ZNF438: variants seen among roughly 807,000 people sequenced by gnomAD.
ZNF438 encodes zinc finger protein 438.
A neutral mutation model predicts 38.0 loss-of-function variants in ZNF438; 25 were observed. The ratio of observed to expected loss-of-function variants is 0.66; its 90% CI spans 0.48 to 0.92. The LOEUF (loss-of-function observed/expected upper bound fraction) is 0.92. Among genes scored for constraint, ZNF438 ranks in the 40% least tolerant of loss-of-function variants. The probability of loss-of-function intolerance (pLI) is 0.00; values close to 1 mark genes in which losing one functional copy is unlikely to be tolerated. For synonymous variants in ZNF438, 372 were observed against 364.1 expected, an observed-to-expected ratio of 1.02 and a Z score of -0.25; for missense variants, 1,007 against 999.6, an observed-to-expected ratio of 1.01 and a Z score of -0.10.
At chr10:30,935,955 T>C (rs999272378) in intron 2 of ZNF438, among the ~76,000 whole-genome samples, 3 of 152,170 alleles carry the variant, frequency 2.0e-5, no homozygotes, top group African/African-American at 7.2e-5. Context: ...AGATGAGATT[T>C]GGGTGGGGAC....
At chr10:30,906,150 G>T (rs1356106388) in intron 3 of ZNF438, among the ~76,000 whole-genome samples, 1 of 152,140 alleles carries the variant, frequency 6.6e-6, no homozygotes, top group East Asian at 1.9e-4. Flanking sequence ...ACAATTTGGG[G>T]TGTATTACTA....
chr10:30,849,435 C>A, exon 5 of ZNF438: 2 of 1,614,132 alleles, frequency 1.2e-6, no homozygotes, highest in Non-Finnish European at 1.7e-6. Context: ...TCACAGTCGG[C>A]CTTAGGTCCT....
intron 1 of ZNF438, among the ~76,000 whole-genome samples, chr10:30,996,308 G>T (rs1054377628): frequency 6.6e-6 from 1 of 151,982 alleles, no homozygotes; most frequent in African/African-American, 2.4e-5. Flanking sequence ...AGATTATCAG[G>T]CTGTATTTTT....
chr10:30,863,938 C>A (rs1332895336), intron 4 of ZNF438, among the ~76,000 whole-genome samples: 1 of 152,164 alleles, frequency 6.6e-6, no homozygotes, highest in Non-Finnish European at 1.5e-5. Context: ...AGTTCAAAAC[C>A]GATTCCACAG....
intron 1 of ZNF438, among the ~76,000 whole-genome samples, chr10:30,956,748 T>C (rs2048907043): frequency 6.6e-6 from 1 of 152,240 alleles, no homozygotes; most frequent in African/African-American, 2.4e-5. Flanking sequence ...TAGTATTCCA[T>C]TGTGTATATA....
chr10:30,862,686 T>C (rs2035786262), intron 4 of ZNF438, among the ~76,000 whole-genome samples: 1 of 152,232 alleles, frequency 6.6e-6, no homozygotes, highest in African/African-American at 2.4e-5. Flanking sequence ...GAAAACCTTT[T>C]CCTCAGTGGG....
intron 4 of ZNF438, among the ~76,000 whole-genome samples, chr10:30,851,381 C>T (rs2033599517): frequency 3.3e-5 from 5 of 152,234 alleles, no homozygotes; most frequent in Admixed American, 3.3e-4. Flanking sequence ...CAAGACCTGG[C>T]TGCAGAAATG....
At chr10:30,927,279 C>T (rs1589235284) in intron 2 of ZNF438, among the ~76,000 whole-genome samples, 2 of 152,242 alleles carry the variant, frequency 1.3e-5, no homozygotes, top group South Asian at 4.2e-4. Flanking sequence ...ACTGTTTGAC[C>T]CTTAAAACAA....
chr10:30,973,507 A>G (rs986350247), intron 1 of ZNF438, among the ~76,000 whole-genome samples: 5 of 152,226 alleles, frequency 3.3e-5, no homozygotes, highest in Admixed American at 2.6e-4. Flanking sequence ...CCTATCACAT[A>G]TATTTTTAAA....
intron 2 of ZNF438, chr10:30,910,582 C>T (rs1246200208): frequency 2.1e-5 from 3 of 145,844 alleles, no homozygotes; most frequent in Non-Finnish European, 3.0e-5. Context: ...AACGGAGACA[C>T]AATCTTGCAA....
chr10:30,885,233 T>G (rs2039803238), intron 3 of ZNF438, among the ~76,000 whole-genome samples: 1 of 152,232 alleles, frequency 6.6e-6, no homozygotes, highest in Non-Finnish European at 1.5e-5. Context: ...CAGGCTTTTC[T>G]TTATACATTA....
chr10:30,976,740 TAAA>T (rs11358833), intron 1 of ZNF438, among the ~76,000 whole-genome samples: 1 of 143,806 alleles, frequency 7.0e-6, no homozygotes, highest in Non-Finnish European at 1.5e-5. Context: ...CTTTATTTAA[TAAA>T]AAAAAAAAAA....
intron 1 of ZNF438, among the ~76,000 whole-genome samples, chr10:30,995,236 A>G (rs1439911224): frequency 1.3e-5 from 2 of 152,204 alleles, no homozygotes; most frequent in Non-Finnish European, 2.9e-5. Flanking sequence ...AAAGACAAGG[A>G]GAAAATCTTG....
intron 2 of ZNF438, among the ~76,000 whole-genome samples, chr10:30,930,048 C>T (rs533206620): frequency 8.5e-5 from 13 of 152,254 alleles, no homozygotes; most frequent in East Asian, 7.7e-4. Context: ...CAGCCAGTCC[C>T]GCGCCCACAC....
chr10:30,925,973 G>A (rs1469485375), intron 2 of ZNF438, among the ~76,000 whole-genome samples: 1 of 152,078 alleles, frequency 6.6e-6, no homozygotes, highest in East Asian at 1.9e-4. Flanking sequence ...AAAACATATG[G>A]TGACTGCTTA....
At chr10:30,976,256 A>T (rs1164879470) in intron 1 of ZNF438, among the ~76,000 whole-genome samples, 2 of 152,254 alleles carry the variant, frequency 1.3e-5, no homozygotes, top group Non-Finnish European at 2.9e-5. Context: ...ATTTAAATGC[A>T]TTAAATATTT....
At position 30,845,362 on chromosome 10, in the gene ZNF438, G is replaced by T. The variant is rs762365269; in HGVS notation, c.2086C>A (p.His696Asn). Residue 696 changes from histidine (H) to asparagine (N), a missense_variant, in exon 6 of 6, where the codon CAC becomes AAC. Transcript: ENST00000413025. The stretch of plus-strand genomic sequence containing the variant: ...TGCCTTTTCCAGTCGGGGCTAGCGT[G>T]CTGCACCAACTCTTCCTGAGTCCCC... 101 of 1,614,152 alleles carry T rather than the reference G, an allele frequency of 6.3e-5. No homozygotes were observed. In the South Asian group the frequency reaches 1.1e-3, roughly 17 times the overall value.
At chr10:30,903,939 G>C (rs180910384) in intron 3 of ZNF438, among the ~76,000 whole-genome samples, 1 of 150,106 alleles carries the variant, frequency 6.7e-6, no homozygotes, top group East Asian at 2.0e-4. Flanking sequence ...ATGGAAAGGA[G>C]AAATTGGAAT....
intron 1 of ZNF438, among the ~76,000 whole-genome samples, chr10:30,955,135 G>T (rs766378587): frequency 6.6e-6 from 1 of 152,188 alleles, no homozygotes; most frequent in Non-Finnish European, 1.5e-5. Context: ...CACCTGAGAA[G>T]ATTCCTGAAC....
Sources: allele counts gnomAD v4.1 joint callset (sites outside exome capture counted in the v4.1 genomes callset), GRCh38; gene constraint gnomAD v4.1.1; transcripts MANE v1.5; gene names NCBI Gene and HGNC (gene_info 2026-07-23, HGNC 2026-07-21).